SSR3: variants seen among roughly 807,000 people sequenced by gnomAD.
SSR3 encodes the protein translocon-associated protein subunit gamma.
A neutral mutation model predicts 22.1 loss-of-function variants in SSR3; 10 were observed. The ratio of observed to expected loss-of-function variants is 0.45; its 90% CI spans 0.28 to 0.77. The LOEUF is 0.77. Ranked by LOEUF, SSR3 falls within the 30% of genes least tolerant of loss-of-function variation. The probability of loss-of-function intolerance (pLI) is 0.13; values close to 1 mark genes in which losing one functional copy is unlikely to be tolerated. For missense variants in SSR3, 181 were observed against 220.5 expected, an observed-to-expected ratio of 0.82 and a Z score of 1.13; for synonymous variants, 104 against 82.5, an observed-to-expected ratio of 1.26 and a Z score of -1.42.
At position 156,548,885 on chromosome 3, in the gene SSR3, A is replaced by G; in HGVS notation, c.359+20T>C. ...AAGTACCCCCTTTTATGATGGCCAT[A>G]CTTTAAACAGGAGTCAAACCTTTCA... is the stretch of plus-strand genomic sequence containing the variant. On this transcript the variant is annotated intron_variant, in intron 3 of 4. Transcript: ENST00000265044. The G allele has an allele frequency of 6.2e-7, 1 of 1,611,446 alleles. No individual in the cohort carries two copies. The highest frequency in any genetic ancestry group is 8.5e-7 in the Non-Finnish European group (1 of 1,179,344).
rs1720099348 is a variant in SSR3 at position 156,555,001 on chromosome 3, G to C, written c.89C>G (p.Ala30Gly). The C allele has an allele frequency of 6.2e-7, 1 of 1,613,936 alleles. No individual in the cohort carries two copies. Residue 30 changes from alanine (A) to glycine (G), a missense_variant, in exon 1 of 5, where the codon GCG becomes GGG. Transcript: ENST00000265044. ...GATGAACGCGTTTCCGAAGAAGAGC[G>C]CGGAGGACTTGGCCGAGAGATTGCG... ...FSRNLSAKSSALFFGNAFIVS... is the reference protein window; with the variant it reads ...FSRNLSAKSSGLFFGNAFIVS...
rs2108445204 is a variant in SSR3 at position 156,543,236 on chromosome 3, T to A, written c.525A>T (p.Gly175=). ...NYILSISASS[G]LIALLSTGSK Reference sequence around the variant, plus strand: ...AGCCAGTAGACAGGAGGGCGATGAGTCCTGATGAAGCACTTATGGACAATA... The same window carrying A: ...AGCCAGTAGACAGGAGGGCGATGAGACCTGATGAAGCACTTATGGACAATA... The change falls in exon 5 of 5, where the codon GGA becomes GGT. Residue 175 remains glycine, a synonymous_variant. Coordinates refer to ENST00000265044, the MANE Select transcript of SSR3 (RefSeq NM_007107.5). 2 of 1,613,916 alleles carry A rather than the reference T, an allele frequency of 1.2e-6. No individual in the cohort carries two copies. Among genetic ancestry groups the A allele is most frequent in the East Asian group, 4.5e-5 (2 of 44,878 alleles).
chr3:156,552,174 C>G (rs922242977), intron 2 of SSR3, among the ~76,000 whole-genome samples: 1 of 151,846 alleles, frequency 6.6e-6, no homozygotes, highest in Non-Finnish European at 1.5e-5. Flanking sequence ...GGTAGTAGTG[C>G]GTGCCTGTAG....
In SSR3 at chr3:156,542,798, G is replaced by A. The variant is rs1228686925; in HGVS notation, c.*405C>T. ...GAAGAGGATTCATTCTGATATTTAC[G>A]GTTCAAAAGAAGTTGTAATATTGTG... is the stretch of plus-strand genomic sequence containing the variant. On this transcript the variant is annotated 3_prime_UTR_variant, in exon 5 of 5. Coordinates refer to ENST00000265044, the MANE Select transcript of SSR3 (RefSeq NM_007107.5). The A allele has an allele frequency of 6.0e-6, 1 of 166,128 alleles. No homozygotes were observed. Among genetic ancestry groups the A allele is most frequent in the Non-Finnish European group, 1.3e-5 (1 of 77,938 alleles). 10.3% of individuals were successfully genotyped at this position (166,128 alleles called of 1,614,324 possible).
At chr3:156,553,022 T>C (rs929631544) in intron 2 of SSR3, among the ~76,000 whole-genome samples, 4 of 150,432 alleles carry the variant, frequency 2.7e-5, no homozygotes, top group Non-Finnish European at 4.4e-5. Flanking sequence ...GTAATTAGCA[T>C]TGAAAATGAC....
intron 4 of SSR3, among the ~76,000 whole-genome samples, chr3:156,543,575 A>T (rs1719646907): frequency 6.6e-6 from 1 of 152,244 alleles, no homozygotes; most frequent in African/African-American, 2.4e-5. Context: ...AAGAACATGG[A>T]GAGAAAAGAG....
chr3:156,549,440 C>G (rs183662084), intron 2 of SSR3, among the ~76,000 whole-genome samples: 3 of 152,140 alleles, frequency 2.0e-5, no homozygotes, highest in African/African-American at 7.2e-5. Flanking sequence ...TAGGCTTAAA[C>G]GAAGTGGAAA....
chr3:156,548,340 C>T (rs1047848740), intron 3 of SSR3, among the ~76,000 whole-genome samples: 2 of 152,166 alleles, frequency 1.3e-5, no homozygotes, highest in Admixed American at 6.5e-5. Context: ...TTTTCCCAAC[C>T]AATACAGATA....
chr3:156,541,340 G>C lies in SSR3; in HGVS notation c.*1863C>G, dbSNP rs1719485274. The C allele has an allele frequency of 6.6e-6, 1 of 152,016 alleles. No individual in the cohort carries two copies. Among genetic ancestry groups the C allele is most frequent in the Non-Finnish European group, 1.5e-5 (1 of 68,006 alleles). 9.4% of individuals were successfully genotyped at this position (152,016 alleles called of 1,614,324 possible). A position where few individuals can be genotyped will look rare whatever the true frequency, so the allele number is the denominator to read the frequency against. On this transcript the variant is annotated 3_prime_UTR_variant, in exon 5 of 5. Transcript: ENST00000265044. ...GTCAAATAAGCAAATGCATTTATTT[G>C]ATACACAAATTCCATGCCACCAGTC...
In SSR3 at chr3:156,539,970, G is replaced by A. The variant is rs373708591; in HGVS notation, c.*3233C>T. ...ACATGTGTGAGATATTAAAATGATG[G>A]TTACATGTATACATATGTACCAAAC... is the stretch of plus-strand genomic sequence containing the variant. On this transcript the variant is annotated 3_prime_UTR_variant, in exon 5 of 5. Coordinates refer to ENST00000265044, the MANE Select transcript of SSR3 (RefSeq NM_007107.5). 1.3e-5 allele frequency among the ~76,000 whole-genome samples: 2 copies of A among 151,968 alleles called. No homozygotes were observed. Among genetic ancestry groups the A allele is most frequent in the African/African-American group, 4.8e-5 (2 of 41,342 alleles).
At chr3:156,553,600 A>C (rs1416895745) in intron 2 of SSR3, 55 bp downstream of exon 2, 2 of 1,548,976 alleles carry the variant, frequency 1.3e-6, no homozygotes, top group Non-Finnish European at 1.7e-6. Flanking sequence ...ATCTTTAAGA[A>C]GACATATAAA....
chr3:156,545,497 C>T (rs1719728092), intron 3 of SSR3, among the ~76,000 whole-genome samples: 1 of 152,212 alleles, frequency 6.6e-6, no homozygotes. Flanking sequence ...CACATCCCCT[C>T]AACCCTAAGG....
chr3:156,550,085 T>C (rs996106046), intron 2 of SSR3, among the ~76,000 whole-genome samples: 3 of 152,172 alleles, frequency 2.0e-5, no homozygotes, highest in African/African-American at 7.2e-5. Flanking sequence ...GCACTAAATA[T>C]GTTTCTTCAT....
chr3:156,551,195 C>G (rs10936030), intron 2 of SSR3, among the ~76,000 whole-genome samples: 21,094 of 151,858 alleles, frequency 0.14, 1,508 homozygotes, highest in East Asian at 0.21. Context: ...TGAAATTTTA[C>G]TGAACTAAAT....
chr3:156,552,337 T>A (rs1043918020), intron 2 of SSR3, among the ~76,000 whole-genome samples: 1 of 149,714 alleles, frequency 6.7e-6, no homozygotes, highest in Non-Finnish European at 1.5e-5. Flanking sequence ...TGAGTTGTTA[T>A]GAGAATGACA....
Position 156,544,476 on chromosome 3 carries a change from T to C in SSR3, c.360-37A>G, listed in dbSNP as rs201304871. 2.7e-6 allele frequency: 4 copies of C among 1,464,810 alleles called. No individual in the cohort carries two copies. The South Asian group carries it at 6.3e-5, about 23-fold the overall frequency. 90.7% of individuals were successfully genotyped at this position (1,464,810 alleles called of 1,614,324 possible). Reference sequence around the variant, plus strand: ...GAAACAAGTCAAACAAGCTTATAAATATGATTTAAAAAAACTTTTAAGTAC... The same window carrying C: ...GAAACAAGTCAAACAAGCTTATAAACATGATTTAAAAAAACTTTTAAGTAC... On this transcript the variant is annotated intron_variant, in intron 3 of 4. Transcript: ENST00000265044.
chr3:156,553,833 C>A (rs756814764), intron 1 of SSR3, 52 bp from the exon 2 acceptor site: 1 of 1,547,024 alleles, frequency 6.5e-7, no homozygotes, highest in East Asian at 2.3e-5. Flanking sequence ...AACATTACAA[C>A]CCCGCAACAA....
At chr3:156,553,472 A>T (rs566498172) in intron 2 of SSR3, among the ~76,000 whole-genome samples, 183 bp downstream of exon 2, 1 of 152,238 alleles carries the variant, frequency 6.6e-6, no homozygotes, top group East Asian at 1.9e-4. Flanking sequence ...CAGAATGATC[A>T]TTGTCTCTAC....
intron 3 of SSR3, among the ~76,000 whole-genome samples, chr3:156,546,942 C>T (rs1037048594): frequency 3.3e-5 from 5 of 152,166 alleles, no homozygotes; most frequent in African/African-American, 1.2e-4. Context: ...GAGAGATACA[C>T]ATCTAAGCAA....
Sources: gnomAD v4.1 joint callset for allele counts (sites outside exome capture counted in the v4.1 genomes callset) on GRCh38, gnomAD v4.1.1 for gene constraint, MANE v1.5 for transcripts, NCBI Gene and HGNC (gene_info 2026-07-23, HGNC 2026-07-21) for gene names.